BOD1L1: variants seen among roughly 807,000 people sequenced by gnomAD.
The protein encoded by BOD1L1 is biorientation of chromosomes in cell division 1 like 1, also known as biorientation of chromosomes in cell division protein 1-like 1.
BOD1L1 carries 86 observed loss-of-function variants against 240.7 expected under a neutral mutation model. The ratio of observed to expected loss-of-function variants is 0.36; its 90% CI spans 0.30 to 0.43. The LOEUF (loss-of-function observed/expected upper bound fraction) is 0.43, where lower values mean the gene tolerates loss of function less well. Among genes scored for constraint, BOD1L1 ranks in the 20% least tolerant of loss-of-function variants. The pLI is 1.00. For missense variants in BOD1L1, 3,554 were observed against 3,643.5 expected (o/e 0.98, Z 0.63); for synonymous variants, 1,268 against 1,272.3 (o/e 1.00, Z 0.07).
In BOD1L1 at chr4:13,603,042, T is replaced by G. The variant is rs750803909; in HGVS notation, c.3858A>C (p.Ser1286=). 11 of 1,613,918 alleles carry G rather than the reference T, an allele frequency of 6.8e-6. No homozygotes were observed. Among genetic ancestry groups the G allele is most frequent in the Non-Finnish European group, 8.5e-6 (10 of 1,179,880 alleles). The change falls in exon 10 of 26, where the codon TCA becomes TCC. Residue 1286 remains serine (S), a synonymous_variant. Coordinates refer to ENST00000040738, the MANE Select transcript of BOD1L1 (RefSeq NM_148894.3). ...TNLDSSPSLS[S]VTVVPLRESY... is the part of the protein sequence containing the mutation. ...ATTCCCTCAGAGGCACAACAGTCACTGAACTTAAGGATGGTGAGGAGTCTA... is the reference window on the plus strand; with the variant it reads ...ATTCCCTCAGAGGCACAACAGTCACGGAACTTAAGGATGGTGAGGAGTCTA...
intron 2 of BOD1L1, among the ~76,000 whole-genome samples, chr4:13,616,548 A>G (rs1716608633): frequency 6.6e-6 from 1 of 152,226 alleles, no homozygotes; most frequent in African/African-American, 2.4e-5. Context: ...TTCCTAAAAA[A>G]GAAGTGGAGG....
rs1712037861 is a variant in BOD1L1 at position 13,569,704 on chromosome 4, G to A, written c.*307C>T. 5.0e-6 allele frequency: 1 copy of A among 199,126 alleles called. No individual in the cohort carries two copies. Among genetic ancestry groups the A allele is most frequent in the Non-Finnish European group, 1.0e-5 (1 of 99,546 alleles). The allele number at this position is 199,126 out of a possible 1,614,324, so 12.3% of individuals were successfully genotyped here. On this transcript the variant is annotated 3_prime_UTR_variant, in exon 26 of 26. Coordinates refer to ENST00000040738, the MANE Select transcript of BOD1L1 (RefSeq NM_148894.3). ...AGCCTGGCGTCTGATGGGCTGGAGG[G>A]GTTTGCATTCATGATGTGTCACATT...
chr4:13,614,409 T>C lies in BOD1L1; in HGVS notation c.961A>G (p.Lys321Glu). The C allele has an allele frequency of 6.3e-7, 1 of 1,584,536 alleles. No individual in the cohort carries two copies. Among genetic ancestry groups the C allele is most frequent in the Non-Finnish European group, 8.6e-7 (1 of 1,163,104 alleles). ...SSEQKNKSTD[K>E]GEKKPDSNEK... is the part of the protein sequence containing the mutation. ...TTGCTGTCTGGCTTCTTTTCACCTT[T>C]GTCTGTTGATTTATTTTTTTGCTCA... The change falls in exon 4 of 26, where the codon AAA becomes GAA. Residue 321 changes from lysine to glutamate, a missense_variant. By Grantham distance (56) the Lys-to-Glu change is moderately conservative (BLOSUM62 1). Around this residue, in one of 2 missense-constraint regions of BOD1L1, gnomAD observed 3,393 missense variants for 3,427.1 expected, o/e 0.99. Transcript: ENST00000040738.
At position 13,582,283 on chromosome 4, in the gene BOD1L1, C is replaced by T; in HGVS notation, c.8546G>A (p.Gly2849Asp). Residue 2849 changes from glycine (G) to aspartate (D), a missense_variant, in exon 19 of 26, where the codon GGT becomes GAT. Gly to Asp is a moderately conservative substitution (Grantham distance 94). Around this residue, in one of 2 missense-constraint regions of BOD1L1, gnomAD observed 3,393 missense variants for 3,427.1 expected, o/e 0.99. Transcript: ENST00000040738. ...KDEYSSSETT[G>D]EKPEQNDDDT... Reference sequence around the variant, plus strand: ...ATCATCGTTCTGCTCTGGCTTTTCACCAGTAGTTTCACTGCTGCTATATTC... The same window carrying T: ...ATCATCGTTCTGCTCTGGCTTTTCATCAGTAGTTTCACTGCTGCTATATTC... 6.2e-7 allele frequency: 1 copy of T among 1,613,552 alleles called. No homozygotes were observed.
chr4:13,619,903 A>G, intron 2 of BOD1L1, 40 bp downstream of exon 2: 1 of 1,601,642 alleles, frequency 6.2e-7, no homozygotes, highest in Non-Finnish European at 8.5e-7. Flanking sequence ...GTAGGTTAGG[A>G]CATTTAAAAC....
rs149304101 is a variant in BOD1L1, at chr4:13,611,018, C to G, written c.1407G>C (p.Ala469=). Residue 469 remains alanine, a synonymous_variant, in exon 6 of 26, where the codon GCG becomes GCC. Transcript: ENST00000040738. ...SEGKTKSVRH[A]YVHKPYLYSK... ...AGTAAAGATATGGTTTGTGGACATA[C>G]GCATGCCGTACACTTTTTGTTTTTC... The G allele has an allele frequency of 4.3e-6, 7 of 1,611,986 alleles. No homozygotes were observed. The highest frequency in any genetic ancestry group is 5.9e-6 in the Non-Finnish European group (7 of 1,178,578).
At chr4:13,580,955 T>G (rs928555221) in intron 21 of BOD1L1, 65 bp downstream of exon 21, 26 of 1,412,354 alleles carry the variant, frequency 1.8e-5, no homozygotes, top group Non-Finnish European at 2.4e-5. Flanking sequence ...TACTAGATAT[T>G]GCATTATACC....
chr4:13,579,597 CA>C (rs1322997849), intron 22 of BOD1L1, among the ~76,000 whole-genome samples: 52 of 152,062 alleles, frequency 3.4e-4, no homozygotes, highest in African/African-American at 1.2e-3. Flanking sequence ...ATATACATTG[CA>C]AAAAATATCT....
At chr4:13,618,159 G>A (rs1467013297) in intron 2 of BOD1L1, among the ~76,000 whole-genome samples, 1 of 152,074 alleles carries the variant, frequency 6.6e-6, no homozygotes, top group African/African-American at 2.4e-5. Context: ...AAGAATGACT[G>A]CTCCCTTACC....
Position 13,587,752 on chromosome 4 carries a change from T to C in BOD1L1, c.8300A>G (p.His2767Arg), listed in dbSNP as rs994098094. ...DPKEVEEEER[H>R]MPKRKRKQHY... The stretch of plus-strand genomic sequence containing the variant: ...CTGCTTTCTTTTTCTTTTAGGCATA[T>C]GCCTTTCTTCCTCTTCAACCTGGAA... The change falls in exon 16 of 26, where the codon CAT becomes CGT. Residue 2767 changes from histidine to arginine, a missense_variant. By Grantham distance (29) the His-to-Arg change is conservative. Around this residue, in one of 2 missense-constraint regions of BOD1L1, gnomAD observed 3,393 missense variants for 3,427.1 expected, o/e 0.99. Coordinates refer to ENST00000040738, the MANE Select transcript of BOD1L1 (RefSeq NM_148894.3). 2.6e-6 allele frequency: 4 copies of C among 1,557,814 alleles called. No homozygotes were observed. Among genetic ancestry groups the C allele is most frequent in the African/African-American group, 1.4e-5 (1 of 73,816 alleles).
intron 17 of BOD1L1, among the ~76,000 whole-genome samples, chr4:13,584,490 G>T (rs555240340): frequency 6.6e-6 from 1 of 150,672 alleles, no homozygotes; most frequent in South Asian, 2.1e-4. Flanking sequence ...GTGTTGGAGC[G>T]AGTTTAGGAG....
At chr4:13,587,643 G>T (rs963380912) in intron 16 of BOD1L1, 56 bp downstream of exon 16, 13 of 1,306,388 alleles carry the variant, frequency 1.0e-5, no homozygotes, top group Non-Finnish European at 1.4e-5. Flanking sequence ...CACTCTTTTG[G>T]ATATAAAAAT....
chr4:13,572,592 A>G (rs1712302935), intron 25 of BOD1L1: 1 of 1,059,808 alleles, frequency 9.4e-7, no homozygotes, highest in Non-Finnish European at 1.2e-6. Flanking sequence ...ATCCCCAAAA[A>G]CAGTTATTTG....
chr4:13,581,590 C>CAGAAGTG (rs138469929), intron 19 of BOD1L1, among the ~76,000 whole-genome samples: 23,740 of 152,088 alleles, frequency 0.16, 2,002 homozygotes, highest in Middle Eastern at 0.22. Flanking sequence ...ATCATACAGA[C>CAGAAGTG]AGAACAATAA....
chr4:13,579,902 C>A, intron 22 of BOD1L1, 26 bp downstream of exon 22: 1 of 1,539,776 alleles, frequency 6.5e-7, no homozygotes, highest in Admixed American at 2.0e-5. Context: ...TCAGATAACA[C>A]ACAGAGGAAT....
chr4:13,610,146 T>C (rs1716042274), intron 6 of BOD1L1, among the ~76,000 whole-genome samples: 1 of 152,222 alleles, frequency 6.6e-6, no homozygotes, highest in Non-Finnish European at 1.5e-5. Context: ...TTTTCATATT[T>C]TAATGTTTCT....
intron 22 of BOD1L1, among the ~76,000 whole-genome samples, chr4:13,579,676 A>G (rs1480624423): frequency 1.3e-5 from 2 of 152,220 alleles, no homozygotes; most frequent in Non-Finnish European, 2.9e-5. Flanking sequence ...AGAGCTAATC[A>G]TTATCAACAT....
intron 17 of BOD1L1, among the ~76,000 whole-genome samples, chr4:13,583,427 G>C (rs756330301): frequency 6.6e-6 from 1 of 151,954 alleles, no homozygotes; most frequent in Non-Finnish European, 1.5e-5. Flanking sequence ...ATATATTCTT[G>C]TGGTTCAAAA....
At chr4:13,573,434 G>A (rs200727354) in intron 25 of BOD1L1, among the ~76,000 whole-genome samples, 1 of 57,108 alleles carries the variant, frequency 1.8e-5, no homozygotes, top group Non-Finnish European at 4.8e-5. Context: ...CTGTCTGTCT[G>A]TCTGTCTGTC....
Sources: gnomAD v4.1 joint callset for allele counts (sites outside exome capture counted in the v4.1 genomes callset) on GRCh38, gnomAD v4.1.1 for gene constraint, gnomAD v4.1.1 regional missense constraint, MANE v1.5 for transcripts, NCBI Gene and HGNC (gene_info 2026-07-23, HGNC 2026-07-21) for gene names.